PTPRE: variants seen among roughly 807,000 people sequenced by gnomAD.
PTPRE encodes the protein receptor-type tyrosine-protein phosphatase epsilon.
In PTPRE, 51 loss-of-function variants were observed where a neutral mutation model predicts 102.0. The ratio of observed to expected loss-of-function variants is 0.50; its 90% CI spans 0.40 to 0.63. The LOEUF (loss-of-function observed/expected upper bound fraction) is 0.63. Among genes scored for constraint, PTPRE ranks in the 30% least tolerant of loss-of-function variants. The probability of loss-of-function intolerance (pLI) is 0.00; values close to 1 mark genes in which losing one functional copy is unlikely to be tolerated. For missense variants in PTPRE, 752 were observed against 915.1 expected, an observed-to-expected ratio of 0.82 and a Z score of 2.30; for synonymous variants, 345 against 348.2, an observed-to-expected ratio of 0.99 and a Z score of 0.10.
intron 1 of PTPRE, among the ~76,000 whole-genome samples, chr10:127,952,180 T>C (rs898260397): frequency 2.6e-5 from 4 of 152,162 alleles, no homozygotes; most frequent in African/African-American, 9.7e-5. Flanking sequence ...ATCACACTGG[T>C]CCACTATATT....
chr10:128,070,372 C>T lies in PTPRE; in HGVS notation c.1215C>T (p.Ser405=), dbSNP rs1309049344. The T allele has an allele frequency of 3.1e-6, 5 of 1,614,056 alleles. No individual in the cohort carries two copies. The highest frequency in any genetic ancestry group is 2.7e-5 in the African/African-American group (2 of 74,922). ...YLYGDTELDV[S]SLEKHLQTMH... is the part of the protein sequence containing the mutation. ...ACGGGGACACAGAGCTGGACGTGTC[C>T]TCCCTGGAGAAGCACCTGCAGACCA... The change falls in exon 14 of 21, where the codon TCC becomes TCT. Residue 405 remains serine, a synonymous_variant. Coordinates refer to ENST00000254667, the MANE Select transcript of PTPRE (RefSeq NM_006504.6). This position sits in a 1 kb window ranked among gnomAD's most constrained non-coding sequence, Gnocchi z 4.8.
chr10:128,038,140 C>A (rs573291880), intron 2 of PTPRE, among the ~76,000 whole-genome samples: 58 of 152,162 alleles, frequency 3.8e-4, no homozygotes, highest in African/African-American at 1.3e-3. Context: ...TCATTTGGAC[C>A]AATTCATGTC....
At chr10:127,989,336 A>C (rs1852404454) in intron 2 of PTPRE, among the ~76,000 whole-genome samples, 1 of 152,138 alleles carries the variant, frequency 6.6e-6, no homozygotes, top group Admixed American at 6.5e-5. Context: ...CAGATAACTT[A>C]CATGCCTTAT....
At chr10:127,955,194 A>G (rs1849309582) in intron 1 of PTPRE, among the ~76,000 whole-genome samples, 1 of 152,172 alleles carries the variant, frequency 6.6e-6, no homozygotes, top group African/African-American at 2.4e-5. Context: ...TAGGCAGGAC[A>G]AGTAATAGCC....
At chr10:128,077,007 G>C (rs1851262561) in intron 18 of PTPRE, among the ~76,000 whole-genome samples, 1 of 152,156 alleles carries the variant, frequency 6.6e-6, no homozygotes, top group Admixed American at 6.5e-5. Flanking sequence ...AAGCCACAGG[G>C]GCCTCTCTGG....
At chr10:128,053,628 T>C in intron 6 of PTPRE, among the ~76,000 whole-genome samples, 1 of 152,256 alleles carries the variant, frequency 6.6e-6, no homozygotes. Flanking sequence ...TGCATCTGGG[T>C]GGCTACGCCC....
At position 128,077,679 on chromosome 10, in the gene PTPRE, T is replaced by G. The variant is rs780300431; in HGVS notation, c.1788T>G (p.Pro596=). The G allele has an allele frequency of 1.2e-6, 2 of 1,613,770 alleles. No homozygotes were observed. Among genetic ancestry groups the G allele is most frequent in the Non-Finnish European group, 1.7e-6 (2 of 1,179,744 alleles). The change falls in exon 19 of 21, where the codon CCT becomes CCG. Residue 596 remains proline (P), a synonymous_variant. Transcript: ENST00000254667. ...GCCAGTTTCACTTCCACGGCTGGCCTGAGATCGGGATTCCCGCCGAGGGCA... is the reference window on the plus strand; with the variant it reads ...GCCAGTTTCACTTCCACGGCTGGCCGGAGATCGGGATTCCCGCCGAGGGCA... ...VVRQFHFHGW[P]EIGIPAEGKG...
chr10:127,937,584 C>T (rs1043446755), intron 1 of PTPRE, among the ~76,000 whole-genome samples: 4 of 152,074 alleles, frequency 2.6e-5, no homozygotes, highest in Admixed American at 6.6e-5. Flanking sequence ...TGTGGCTGGG[C>T]GTGGTGGCTC....
chr10:127,909,273 G>A (rs370919636), intron 1 of PTPRE, among the ~76,000 whole-genome samples: 13 of 152,314 alleles, frequency 8.5e-5, no homozygotes, highest in African/African-American at 3.1e-4. Context: ...GGCTGTGTGT[G>A]CAAATCTTGC....
chr10:128,027,981 C>G (rs571883760), intron 2 of PTPRE, among the ~76,000 whole-genome samples: 1 of 152,292 alleles, frequency 6.6e-6, no homozygotes, highest in Admixed American at 6.5e-5. Context: ...GACACCAGCA[C>G]GCCGAGGGTC....
At chr10:128,067,389 T>A (rs536087473) in intron 11 of PTPRE, among the ~76,000 whole-genome samples, 4 of 54,768 alleles carry the variant, frequency 7.3e-5, no homozygotes, top group African/African-American at 2.6e-4. Context: ...TTCACACATG[T>A]GCACACACAC....
intron 1 of PTPRE, among the ~76,000 whole-genome samples, chr10:127,960,144 A>T (rs1362003378): frequency 6.6e-6 from 1 of 152,200 alleles, no homozygotes; most frequent in Non-Finnish European, 1.5e-5. Flanking sequence ...GCTTGCTGGC[A>T]TGCGGGTGCC....
At chr10:128,061,783 T>G (rs1394146135) in intron 9 of PTPRE, 68 bp downstream of exon 9, 3 of 1,530,582 alleles carry the variant, frequency 2.0e-6, no homozygotes, top group South Asian at 1.2e-5. Flanking sequence ...CTTCTCTGTA[T>G]GCCAACAAGA....
rs71474237 is a variant in PTPRE at position 127,965,919 on chromosome 10, G to T, written c.-30-16355G>T. ...CCATCTTCTGCCACACTGGCCCTTTGCCTGACCTCCTCCTGGCCTTCAGTC... is the reference window on the plus strand; with the variant it reads ...CCATCTTCTGCCACACTGGCCCTTTTCCTGACCTCCTCCTGGCCTTCAGTC... On this transcript the variant is annotated intron_variant, in intron 1 of 20. Transcript: ENST00000254667. Among the ~76,000 whole-genome samples the T allele has an allele frequency of 7.5e-3, 1,142 of 152,340 alleles. 2 individuals are homozygous for T. Among genetic ancestry groups the T allele is most frequent in the Non-Finnish European group, 0.011 (778 of 68,028 alleles).
At chr10:127,931,545 G>C (rs1212774108) in intron 1 of PTPRE, among the ~76,000 whole-genome samples, 2 of 152,206 alleles carry the variant, frequency 1.3e-5, no homozygotes, top group Non-Finnish European at 2.9e-5. Context: ...TATGAAGAGG[G>C]ATTTCCAAAT....
intron 1 of PTPRE, among the ~76,000 whole-genome samples, chr10:127,973,326 G>A (rs376359564): frequency 6.6e-6 from 1 of 152,100 alleles, no homozygotes; most frequent in Admixed American, 6.5e-5. Flanking sequence ...TTTATTATGA[G>A]CTCTATTTTA....
Position 128,076,666 on chromosome 10 carries a change from A to G in PTPRE, c.1663A>G (p.Ile555Val). 2 of 1,611,928 alleles carry G rather than the reference A, an allele frequency of 1.2e-6. No homozygotes were observed. The highest frequency in any genetic ancestry group is 1.1e-5 in the South Asian group (1 of 90,578). The change falls in exon 18 of 21, where the codon ATA becomes GTA. Residue 555 changes from isoleucine to valine, a missense_variant. Coordinates refer to ENST00000254667, the MANE Select transcript of PTPRE (RefSeq NM_006504.6). ...SVTHGEITIE[I>V]KNDTLSEAIS... ...TACTCATGGAGAAATAACGATTGAG[A>G]TAAAGAATGATACCCTTTCAGAAGC...
rs60087108 is a variant in PTPRE, at chr10:127,981,931, G to C, written c.-30-343G>C. ...AGACCAGGTTGTAAAAGGCTCTTCTGGGGGGAGGATGGGCTAAAGGAACTA... is the reference window on the plus strand; with the variant it reads ...AGACCAGGTTGTAAAAGGCTCTTCTCGGGGGAGGATGGGCTAAAGGAACTA... On this transcript the variant is annotated intron_variant, in intron 1 of 20. Transcript: ENST00000254667. 4.6e-5 allele frequency among the ~76,000 whole-genome samples: 7 copies of C among 152,298 alleles called. No individual in the cohort carries two copies. The South Asian group carries it at 6.2e-4, about 14-fold the overall frequency.
At chr10:127,933,577 A>G (rs1404227324) in intron 1 of PTPRE, among the ~76,000 whole-genome samples, 7 of 152,268 alleles carry the variant, frequency 4.6e-5, no homozygotes, top group Admixed American at 4.6e-4. Flanking sequence ...GCTCAGATGT[A>G]TAGCATATTT....
Sources: allele counts gnomAD v4.1 joint callset (sites outside exome capture counted in the v4.1 genomes callset), GRCh38; gene constraint gnomAD v4.1.1; non-coding constraint Gnocchi (gnomAD v3.1); transcripts MANE v1.5; gene names NCBI Gene and HGNC (gene_info 2026-07-23, HGNC 2026-07-21).